CCNY: variants seen among roughly 807,000 people sequenced by gnomAD.
The protein encoded by CCNY is cyclin Y.
A neutral mutation model predicts 42.8 loss-of-function variants in CCNY; 19 were observed. The ratio of observed to expected loss-of-function variants is 0.44; its 90% CI spans 0.31 to 0.65. CCNY has a LOEUF of 0.65. CCNY is among the 30% of genes least tolerant of loss of function. The pLI is 0.07. For missense variants in CCNY, 370 were observed against 437.3 expected, an observed-to-expected ratio of 0.85 and a Z score of 1.37; for synonymous variants, 165 against 162.7, an observed-to-expected ratio of 1.01 and a Z score of -0.11.
intron 1 of CCNY, among the ~76,000 whole-genome samples, chr10:35,369,994 A>AT (rs1554781051): frequency 6.6e-6 from 1 of 152,170 alleles, no homozygotes; most frequent in Non-Finnish European, 1.5e-5. Context: ...GAGGACATGC[A>AT]TTTTTTAGTA....
chr10:35,517,095 G>A (rs908164517), intron 4 of CCNY, among the ~76,000 whole-genome samples: 5 of 152,124 alleles, frequency 3.3e-5, no homozygotes, highest in Non-Finnish European at 7.3e-5. Flanking sequence ...ACACTTGCCT[G>A]GGGTCTGGAG....
chr10:35,359,645 C>G (rs1039395207), intron 1 of CCNY, among the ~76,000 whole-genome samples: 7 of 152,148 alleles, frequency 4.6e-5, no homozygotes, highest in Admixed American at 2.6e-4. Flanking sequence ...CCATTTTAGC[C>G]ATTTCTAAGT....
chr10:35,416,698 G>A (rs973761885), intron 1 of CCNY, among the ~76,000 whole-genome samples: 3 of 152,172 alleles, frequency 2.0e-5, no homozygotes, highest in African/African-American at 7.2e-5. Context: ...CTGTCTGGTT[G>A]TGAACGTGAG....
chr10:35,556,427 AT>A (rs1176377993), intron 8 of CCNY, among the ~76,000 whole-genome samples: 1 of 152,072 alleles, frequency 6.6e-6, no homozygotes, highest in African/African-American at 2.4e-5. Flanking sequence ...GCGTGTTCAG[AT>A]TCTTGCATAT....
At chr10:35,348,438 C>T (rs908474896) in intron 1 of CCNY, among the ~76,000 whole-genome samples, 4 of 152,216 alleles carry the variant, frequency 2.6e-5, no homozygotes, top group African/African-American at 9.7e-5. Context: ...TCCGTTAGGG[C>T]ACATATCTTA....
intron 1 of CCNY, chr10:35,394,826 T>TG: frequency 1.0e-6 from 1 of 985,078 alleles, no homozygotes; most frequent in African/African-American, 1.7e-5. Flanking sequence ...GTGACCCCAG[T>TG]GGCTGAAAGC....
chr10:35,516,674 T>TTC (rs1554797230), intron 4 of CCNY, 51 bp downstream of exon 4: 2 of 1,068,900 alleles, frequency 1.9e-6, no homozygotes, highest in South Asian at 2.9e-5. Context: ...TTTTTTTTTT[T>TTC]TTTTTTTTTT....
At chr10:35,421,566 A>G (rs1838159705) in intron 1 of CCNY, among the ~76,000 whole-genome samples, 1 of 152,210 alleles carries the variant, frequency 6.6e-6, no homozygotes, top group Admixed American at 6.5e-5. Flanking sequence ...TTTGGTATTT[A>G]GAAGCGTCGG....
chr10:35,550,519 C>T (rs1841231117), intron 7 of CCNY, among the ~76,000 whole-genome samples: 1 of 152,074 alleles, frequency 6.6e-6, no homozygotes, highest in African/African-American at 2.4e-5. Context: ...CCTTGCCCTT[C>T]TCTCCCTGGC....
chr10:35,547,196 G>T (rs969706474), intron 7 of CCNY, among the ~76,000 whole-genome samples: 6 of 152,144 alleles, frequency 3.9e-5, no homozygotes, highest in Admixed American at 3.3e-4. Flanking sequence ...GAGTTACGAT[G>T]TTCACACAGA....
intron 1 of CCNY, among the ~76,000 whole-genome samples, chr10:35,450,411 G>A (rs1812941596): frequency 6.6e-6 from 1 of 152,150 alleles, no homozygotes; most frequent in African/African-American, 2.4e-5. Context: ...GGGGATGTGT[G>A]CTCCCTGGGA....
intron 1 of CCNY, among the ~76,000 whole-genome samples, chr10:35,365,184 A>G (rs920564571): frequency 3.3e-5 from 5 of 152,210 alleles, no homozygotes; most frequent in African/African-American, 1.2e-4. Flanking sequence ...GAGATAGGCT[A>G]TCTTTTCTGT....
rs138403456 is a variant in CCNY at position 35,290,798 on chromosome 10, C to T, written c.-9+40172C>T. Among the ~76,000 whole-genome samples the T allele has an allele frequency of 1.4e-3, 205 of 151,610 alleles. 4 individuals carry two copies. The East Asian group carries it at 0.035, about 26-fold the overall frequency. ...GCAACATAGTGAGACCCTGTCTATACGAAAAAATAACAACAACGAAAAAAA... is the reference window on the plus strand; with the variant it reads ...GCAACATAGTGAGACCCTGTCTATATGAAAAAATAACAACAACGAAAAAAA... On this transcript the variant is annotated intron_variant, in intron 3 of 11. Coordinates refer to the CCNY transcript ENST00000374706.
intron 9 of CCNY, 91 bp from the exon 10 acceptor site, chr10:35,568,963 C>A: frequency 2.5e-6 from 2 of 806,844 alleles, no homozygotes; most frequent in Non-Finnish European, 4.3e-6. Context: ...CTCTGCCTGT[C>A]CCTCATGCAG....
In CCNY at chr10:35,307,823, T is replaced by C. The variant is rs900794955; in HGVS notation, c.-9+57197T>C. Among the ~76,000 whole-genome samples, 5 of 141,542 alleles carry C rather than the reference T, an allele frequency of 3.5e-5. No homozygotes were observed. The Admixed American group carries it at 3.6e-4, about 10-fold the overall frequency. The allele number at this position is 141,542 out of a possible 152,430, so 92.9% of individuals were successfully genotyped here. A position where few individuals can be genotyped will look rare whatever the true frequency, so the allele number is the denominator to read the frequency against. On this transcript the variant is annotated intron_variant, in intron 3 of 11. Transcript: ENST00000374706. ...GTGTATATATATATATATATATTTT[T>C]TTTTTTTTTTCTGAGATGGAGTCTT...
chr10:35,485,735 A>C (rs1041984575), intron 2 of CCNY, among the ~76,000 whole-genome samples: 11 of 148,932 alleles, frequency 7.4e-5, no homozygotes, highest in African/African-American at 1.0e-4. Flanking sequence ...AAAAAAAAAA[A>C]AAAACAAAAA....
chr10:35,258,115 C>T (rs976582426), intron 3 of CCNY, among the ~76,000 whole-genome samples: 1 of 152,142 alleles, frequency 6.6e-6, no homozygotes, highest in Non-Finnish European at 1.5e-5. Context: ...GAGCCAAAAT[C>T]GTGCCACTGC....
intron 2 of CCNY, among the ~76,000 whole-genome samples, chr10:35,249,930 C>T (rs1411372614): frequency 6.6e-6 from 1 of 152,066 alleles, no homozygotes; most frequent in East Asian, 1.9e-4. Flanking sequence ...TGCGGTGGCT[C>T]ACGCCTGTAA....
chr10:35,404,974 G>C (rs975605513), intron 1 of CCNY, among the ~76,000 whole-genome samples: 1 of 152,152 alleles, frequency 6.6e-6, no homozygotes, highest in South Asian at 2.1e-4. Flanking sequence ...GAATAGTAAA[G>C]AAAGCATGTT....
Sources: gnomAD v4.1 joint callset for allele counts (sites outside exome capture counted in the v4.1 genomes callset) on GRCh38, gnomAD v4.1.1 for gene constraint, MANE v1.5 for transcripts, NCBI Gene and HGNC (gene_info 2026-07-23, HGNC 2026-07-21) for gene names.